DNAH5: variants seen among roughly 807,000 people sequenced by gnomAD.
DNAH5 encodes dynein axonemal heavy chain 5.
In DNAH5, 372 loss-of-function variants were observed where a neutral mutation model predicts 518.2. The observed-to-expected ratio is 0.72, with a 90% confidence interval of 0.66 to 0.78. The LOEUF (loss-of-function observed/expected upper bound fraction) is 0.78, where lower values mean the gene tolerates loss of function less well. Ranked by LOEUF, DNAH5 falls within the 30% of genes least tolerant of loss-of-function variation. DNAH5 has a pLI of 0.00. For missense variants in DNAH5, 5,523 were observed against 5,687.0 expected, an observed-to-expected ratio of 0.97 and a Z score of 0.93; for synonymous variants, 2,039 against 2,025.9, an observed-to-expected ratio of 1.01 and a Z score of -0.17.
At chr5:13,791,791 CTAATTT>C (rs1306256405) in intron 50 of DNAH5, among the ~76,000 whole-genome samples, 197 bp downstream of exon 50, 3 of 151,952 alleles carry the variant, frequency 2.0e-5, no homozygotes, top group Non-Finnish European at 2.9e-5. Flanking sequence ...AAACACAAAC[CTAATTT>C]AATTGGAATT....
intron 1 of DNAH5, 45 bp from the exon 2 acceptor site, chr5:13,931,289 A>G (rs759698757): frequency 1.2e-6 from 2 of 1,611,478 alleles, no homozygotes; most frequent in Non-Finnish European, 1.7e-6. Flanking sequence ...TGCTGTTCTC[A>G]AGTGGATTCA....
At chr5:13,703,031 A>G (rs1344689138) in intron 76 of DNAH5, among the ~76,000 whole-genome samples, 1 of 151,936 alleles carries the variant, frequency 6.6e-6, no homozygotes, top group East Asian at 1.9e-4. Flanking sequence ...CCTCCCTCCC[A>G]AGCCTTTCCA....
Position 13,715,846 on chromosome 5 carries a change from TG to T in DNAH5, c.12909+640del, listed in dbSNP as rs768095505. 2.0e-4 allele frequency among the ~76,000 whole-genome samples: 31 copies of T among 152,350 alleles called. No homozygotes were observed. The Middle Eastern group carries it at 0.01, about 50-fold the overall frequency. ...ATTTGGCAATTTCAGGAGACATTTT[TG>T]GTTCTTACAATTGGGTATGGGGTTG... On this transcript the variant is annotated intron_variant, in intron 74 of 78. Transcript: ENST00000265104.
chr5:13,925,444 A>G (rs928763705), intron 3 of DNAH5, among the ~76,000 whole-genome samples: 1 of 152,172 alleles, frequency 6.6e-6, no homozygotes, highest in African/African-American at 2.4e-5. Flanking sequence ...CTGCTGATGG[A>G]GACATACCTG....
chr5:13,704,833 T>C (rs1266162849), intron 76 of DNAH5, among the ~76,000 whole-genome samples: 3 of 151,892 alleles, frequency 2.0e-5, no homozygotes, highest in Admixed American at 2.0e-4. Context: ...CTCATAGAAA[T>C]AGAGAGTAGA....
intron 55 of DNAH5, 97 bp downstream of exon 55, chr5:13,776,342 C>A: frequency 6.6e-7 from 1 of 1,510,136 alleles, no homozygotes; most frequent in Non-Finnish European, 9.2e-7. Context: ...TGGAGCCTGC[C>A]TGGAGATCCA....
chr5:13,982,924 T>A (rs1782790391), intron 1 of DNAH5, among the ~76,000 whole-genome samples: 1 of 152,230 alleles, frequency 6.6e-6, no homozygotes, highest in South Asian at 2.1e-4. Context: ...TTGGTGAACT[T>A]AGAATCCCTC....
rs202159680 is a variant in DNAH5, at chr5:13,920,401, C to A, written c.798+79G>T. The A allele has an allele frequency of 7.1e-5, 112 of 1,569,368 alleles. No homozygotes were observed. The East Asian group carries it at 2.5e-3, about 35-fold the overall frequency. ...GTAAAACGCTTAACAAATGGAATGT[C>A]GTATGTCAATACACCTTCTTCCATT... On this transcript the variant is annotated intron_variant, in intron 6 of 78. Coordinates refer to ENST00000265104, the MANE Select transcript of DNAH5 (RefSeq NM_001369.3).
intron 39 of DNAH5, among the ~76,000 whole-genome samples, chr5:13,823,898 C>T (rs894639057): frequency 6.6e-6 from 1 of 152,134 alleles, no homozygotes; most frequent in Non-Finnish European, 1.5e-5. Flanking sequence ...CTACCAGACT[C>T]CAAAGGTGAG....
At chr5:13,702,449 G>C (rs1020103576) in intron 76 of DNAH5, among the ~76,000 whole-genome samples, 2 of 152,256 alleles carry the variant, frequency 1.3e-5, no homozygotes, top group African/African-American at 4.8e-5. Context: ...TTTATACTAC[G>C]TTCGGTCTGA....
At chr5:13,815,468 C>A (rs1761331338) in intron 42 of DNAH5, among the ~76,000 whole-genome samples, 1 of 152,192 alleles carries the variant, frequency 6.6e-6, no homozygotes. Flanking sequence ...AACTCTCTTG[C>A]CCTTCTGCAA....
chr5:13,958,936 T>C (rs1294470996), intron 1 of DNAH5, among the ~76,000 whole-genome samples: 1 of 152,004 alleles, frequency 6.6e-6, no homozygotes, highest in African/African-American at 2.4e-5. Context: ...TGAAGGAATT[T>C]TATGTTTCTC....
chr5:13,914,645 G>A lies in DNAH5; in HGVS notation c.1198-3C>T. On this transcript the variant is annotated splice_polypyrimidine_tract_variant and splice_region_variant and intron_variant, in intron 9 of 78. Transcript: ENST00000265104. ...GCAGATATAATCTGATTTGTCACCTGGGATTTTCCAATAAAATGATGTTAA... is the reference window on the plus strand; with the variant it reads ...GCAGATATAATCTGATTTGTCACCTAGGATTTTCCAATAAAATGATGTTAA... 1 of 1,612,490 alleles carries A rather than the reference G, an allele frequency of 6.2e-7. No individual in the cohort carries two copies.
Position 13,967,629 on chromosome 5 carries a change from TTTTG to T in DNAH5, c.13-36389_13-36386del, listed in dbSNP as rs928868311. Among the ~76,000 whole-genome samples, 159 of 152,300 alleles carry T rather than the reference TTTTG, an allele frequency of 1.0e-3. No individual in the cohort carries two copies. The South Asian group carries it at 0.016, about 15-fold the overall frequency. On this transcript the variant is annotated intron_variant, in intron 1 of 78. Coordinates refer to the DNAH5 transcript ENST00000681290. ...TAATGTGATGCCTCCAGATTTGTTT[TTTTG>T]TTTGTTTGTTTGTTTTTTGCTGACT...
At chr5:13,832,611 GT>G (rs35097154) in intron 35 of DNAH5, among the ~76,000 whole-genome samples, 1 of 152,168 alleles carries the variant, frequency 6.6e-6, no homozygotes, top group East Asian at 1.9e-4. Flanking sequence ...CTCCATTTTA[GT>G]TTTCTAACCT....
intron 34 of DNAH5, among the ~76,000 whole-genome samples, chr5:13,840,665 G>A (rs897861227): frequency 1.3e-5 from 2 of 152,132 alleles, no homozygotes; most frequent in Non-Finnish European, 2.9e-5. Flanking sequence ...AAATCATCAC[G>A]TTAAAACATT....
intron 70 of DNAH5, among the ~76,000 whole-genome samples, chr5:13,722,686 A>G (rs1745214360): frequency 6.6e-6 from 1 of 152,250 alleles, no homozygotes; most frequent in Non-Finnish European, 1.5e-5. Context: ...AGTGCAAAAC[A>G]CAAAAAGAGG....
intron 47 of DNAH5, among the ~76,000 whole-genome samples, chr5:13,799,222 A>C: frequency 6.8e-6 from 1 of 146,290 alleles, no homozygotes; most frequent in South Asian, 2.3e-4. Flanking sequence ...CCCCACAAAA[A>C]TGCAAAATTG....
At chr5:13,757,245 G>A (rs1561186707) in intron 61 of DNAH5, among the ~76,000 whole-genome samples, 1 of 152,166 alleles carries the variant, frequency 6.6e-6, no homozygotes, top group Non-Finnish European at 1.5e-5. Flanking sequence ...CTGGGTCAAT[G>A]GTATTTCTGT....
Sources: gnomAD v4.1 joint callset for allele counts (sites outside exome capture counted in the v4.1 genomes callset) on GRCh38, gnomAD v4.1.1 for gene constraint, MANE v1.5 for transcripts, NCBI Gene and HGNC (gene_info 2026-07-23, HGNC 2026-07-21) for gene names.